The following USP45 variants were observed in gnomAD, a reference collection of about 807,000 sequenced individuals.
USP45 encodes the protein ubiquitin carboxyl-terminal hydrolase 45.
In USP45, 89 loss-of-function variants were observed where a neutral mutation model predicts 95.8. That is an observed-to-expected ratio of 0.93 (90% CI 0.78 to 1.11). The LOEUF (loss-of-function observed/expected upper bound fraction) is 1.11, where lower values mean the gene tolerates loss of function less well. Ranked by LOEUF, USP45 falls within the 50% of genes least tolerant of loss-of-function variation. The pLI, the probability that USP45 is intolerant of heterozygous loss-of-function variation, is 0.00. For missense variants in USP45, 898 were observed against 942.5 expected (o/e 0.95, Z 0.62); for synonymous variants, 281 against 316.2 (o/e 0.89, Z 1.18).
In USP45 at chr6:99,446,216, A is replaced by G. The variant is rs1782524464; in HGVS notation, c.1556T>C (p.Leu519Pro). ...ACCGGATCCACTACTGGATCTGAAC[A>G]GCCCAGTCTGCTTTGAAGCACTTTC... ...ESESASKQTG[L>P]FRSSSGSGVQ... The change falls in exon 14 of 18, where the codon CTG becomes CCG. Residue 519 changes from leucine to proline, a missense_variant. Physicochemically the swap from Leu to Pro is moderately conservative, Grantham distance 98. Transcript: ENST00000500704. 1 of 1,614,090 alleles carries G rather than the reference A, an allele frequency of 6.2e-7. No individual in the cohort carries two copies. The highest frequency in any genetic ancestry group is 1.1e-5 in the South Asian group (1 of 91,092).
chr6:99,436,165 C>T (rs1269824357), intron 17 of USP45, among the ~76,000 whole-genome samples: 2 of 151,990 alleles, frequency 1.3e-5, no homozygotes, highest in Non-Finnish European at 2.9e-5. Context: ...CCCCCTCCCC[C>T]GACAGGCCCA....
At chr6:99,466,873 T>C in intron 10 of USP45, 110 bp from the exon 11 acceptor site, 1 of 702,224 alleles carries the variant, frequency 1.4e-6, no homozygotes, top group Non-Finnish European at 2.4e-6. Flanking sequence ...TATTCTGTAC[T>C]ACATTTAATA....
At chr6:99,491,169 T>A (rs12717185) in intron 5 of USP45, among the ~76,000 whole-genome samples, 2 of 151,996 alleles carry the variant, frequency 1.3e-5, no homozygotes, top group South Asian at 2.1e-4. Context: ...ACACTAGAGC[T>A]TGGGGGCAAA....
intron 5 of USP45, among the ~76,000 whole-genome samples, chr6:99,490,408 G>A (rs980277957): frequency 6.6e-6 from 1 of 151,350 alleles, no homozygotes; most frequent in Non-Finnish European, 1.5e-5. Flanking sequence ...TCAAACTCCT[G>A]ACCTCAAGTG....
At chr6:99,498,123 C>G (rs1244193873) in intron 5 of USP45, among the ~76,000 whole-genome samples, 3 of 152,126 alleles carry the variant, frequency 2.0e-5, no homozygotes, top group African/African-American at 7.2e-5. Flanking sequence ...ACCAAAAGAT[C>G]AGTAATGACA....
At chr6:99,464,018 C>A (rs1197882529) in intron 13 of USP45, among the ~76,000 whole-genome samples, 2 of 151,802 alleles carry the variant, frequency 1.3e-5, no homozygotes, top group African/African-American at 4.8e-5. Flanking sequence ...GAGTATCCCT[C>A]GGTTAGTGCT....
At chr6:99,468,970 TCTTA>T (rs1788635705) in intron 9 of USP45, among the ~76,000 whole-genome samples, 1 of 152,138 alleles carries the variant, frequency 6.6e-6, no homozygotes, top group Non-Finnish European at 1.5e-5. Context: ...AAATGACACT[TCTTA>T]ATTAGGACCA....
At chr6:99,506,491 T>G (rs572716375) in intron 4 of USP45, among the ~76,000 whole-genome samples, 1 of 152,154 alleles carries the variant, frequency 6.6e-6, no homozygotes, top group Non-Finnish European at 1.5e-5. Context: ...GTATCTTTCG[T>G]AGAGACGGGG....
rs1420091125 is a variant in USP45, at chr6:99,434,709, CAAG to C, written c.*1004_*1006del. The C allele has an allele frequency of 6.6e-6, 1 of 152,134 alleles. No individual in the cohort carries two copies. The highest frequency in any genetic ancestry group is 2.4e-5 in the African/African-American group (1 of 41,412). 9.4% of individuals were successfully genotyped at this position (152,134 alleles called of 1,614,324 possible). On this transcript the variant is annotated 3_prime_UTR_variant, in exon 18 of 18. Coordinates refer to ENST00000500704, the MANE Select transcript of USP45 (RefSeq NM_001346022.3). ...ACCCCAAAACTGTGTTTAGTATTTA[CAAG>C]AAGTAGAAAAAGTATATATTTTTCT...
At chr6:99,484,327 C>A (rs941285451) in intron 7 of USP45, among the ~76,000 whole-genome samples, 1 of 150,888 alleles carries the variant, frequency 6.6e-6, no homozygotes, top group Non-Finnish European at 1.5e-5. Context: ...GCCAGCATAT[C>A]CAGTTGATTT....
At chr6:99,480,548 G>A (rs1213860584) in intron 8 of USP45, among the ~76,000 whole-genome samples, 5 of 151,878 alleles carry the variant, frequency 3.3e-5, no homozygotes, top group African/African-American at 7.3e-5. Context: ...GGTAGCGGGC[G>A]CCTGTAATCC....
chr6:99,484,520 T>C (rs948089318), intron 7 of USP45, among the ~76,000 whole-genome samples: 1 of 152,100 alleles, frequency 6.6e-6, no homozygotes, highest in Admixed American at 6.5e-5. Flanking sequence ...TTTTCTGGGC[T>C]GGATGCCATG....
chr6:99,458,179 C>T (rs1785515871), intron 13 of USP45, among the ~76,000 whole-genome samples: 1 of 152,144 alleles, frequency 6.6e-6, no homozygotes, highest in Admixed American at 6.5e-5. Context: ...GCCACCATGA[C>T]CGGCTAATTT....
At chr6:99,437,117 A>C in intron 17 of USP45, 129 bp downstream of exon 17, 1 of 1,005,776 alleles carries the variant, frequency 9.9e-7, no homozygotes, top group Non-Finnish European at 1.5e-6. Flanking sequence ...TCAATCAATC[A>C]ATTAAGTTAA....
chr6:99,488,827 G>C lies in USP45; in HGVS notation c.479-7C>G. 1 of 1,547,444 alleles carries C rather than the reference G, an allele frequency of 6.5e-7. No homozygotes were observed. Among genetic ancestry groups the C allele is most frequent in the Non-Finnish European group, 8.7e-7 (1 of 1,153,182 alleles). ...ATGATTCTAGAAAATGCACCTACAAGTTAGAGAAAAAATAACTGACACAAG... is the reference window on the plus strand; with the variant it reads ...ATGATTCTAGAAAATGCACCTACAACTTAGAGAAAAAATAACTGACACAAG... On this transcript the variant is annotated splice_region_variant and splice_polypyrimidine_tract_variant and intron_variant, in intron 5 of 17. Coordinates refer to ENST00000500704, the MANE Select transcript of USP45 (RefSeq NM_001346022.3).
chr6:99,447,558 T>A (rs1245970636), intron 13 of USP45, among the ~76,000 whole-genome samples: 1 of 152,242 alleles, frequency 6.6e-6, no homozygotes, highest in African/African-American at 2.4e-5. Flanking sequence ...AAGCTCGAAC[T>A]GGGTGGAGCC....
rs190488212 is a variant in USP45, at chr6:99,486,534, T to C, written c.714+1666A>G. Reference sequence around the variant, plus strand: ...ATCTATCATTAAATTTTTAAGGGGCTGAACAAATGTTTACAGGCTGCTTTT... The same window carrying C: ...ATCTATCATTAAATTTTTAAGGGGCCGAACAAATGTTTACAGGCTGCTTTT... On this transcript the variant is annotated intron_variant, in intron 7 of 17. Transcript: ENST00000500704. 1.6e-4 allele frequency among the ~76,000 whole-genome samples: 24 copies of C among 152,078 alleles called. No individual in the cohort carries two copies. In the East Asian group the frequency reaches 4.6e-3, roughly 29 times the overall value.
intron 9 of USP45, among the ~76,000 whole-genome samples, chr6:99,475,051 G>A (rs556135206): frequency 6.6e-6 from 1 of 152,104 alleles, no homozygotes; most frequent in Non-Finnish European, 1.5e-5. Flanking sequence ...TGATCCATGA[G>A]TGGAATTTAA....
intron 1 of USP45, among the ~76,000 whole-genome samples, chr6:99,514,041 C>T (rs1367388224): frequency 6.6e-6 from 1 of 152,174 alleles, no homozygotes; most frequent in Non-Finnish European, 1.5e-5. Flanking sequence ...TATCCCTTAC[C>T]TTTATACAAA....
Sources: gnomAD v4.1 joint callset for allele counts (sites outside exome capture counted in the v4.1 genomes callset) on GRCh38, gnomAD v4.1.1 for gene constraint, MANE v1.5 for transcripts, NCBI Gene and HGNC (gene_info 2026-07-23, HGNC 2026-07-21) for gene names.